The following SORCS2 variants were observed in gnomAD, a reference collection of about 807,000 sequenced individuals.
SORCS2 encodes the protein VPS10 domain-containing receptor SorCS2.
SORCS2 carries 100 observed loss-of-function variants against 141.6 expected under a neutral mutation model. The ratio of observed to expected loss-of-function variants is 0.71; its 90% confidence interval spans 0.60 to 0.83. The LOEUF is 0.83. Among genes scored for constraint, SORCS2 ranks in the 40% least tolerant of loss-of-function variants. SORCS2 has a pLI of 0.00. For synonymous variants in SORCS2, 789 were observed against 676.9 expected, an observed-to-expected ratio of 1.17 and a Z score of -2.57; for missense variants, 1,646 against 1,560.2, an observed-to-expected ratio of 1.05 and a Z score of -0.93.
In SORCS2 at chr4:7,728,456, C is replaced by A. The variant is rs1426469560; in HGVS notation, c.2976C>A (p.Leu992=). Residue 992 remains leucine (L), a synonymous_variant, in exon 22 of 27, where the codon CTC becomes CTA. Coordinates refer to ENST00000507866, the MANE Select transcript of SORCS2 (RefSeq NM_020777.3). ...TGGGCCTGGTGGTCACCCGGCTGCTCTCCAAGGTGTCCACCCAGAGCCTAG... is the reference window on the plus strand; with the variant it reads ...TGGGCCTGGTGGTCACCCGGCTGCTATCCAAGGTGTCCACCCAGAGCCTAG... ...EDVGLVVTRL[L]SKETSVPQEL... 1.2e-6 allele frequency: 2 copies of A among 1,610,742 alleles called. No individual in the cohort carries two copies. Among genetic ancestry groups the A allele is most frequent in the Non-Finnish European group, 1.7e-6 (2 of 1,178,594 alleles).
At chr4:7,282,518 A>G (rs912867394) in intron 1 of SORCS2, among the ~76,000 whole-genome samples, 1 of 152,120 alleles carries the variant, frequency 6.6e-6, no homozygotes, top group Admixed American at 6.5e-5. Context: ...CTTAATGAGG[A>G]TGTAGCTGTA....
chr4:7,398,060 G>C lies in SORCS2; in HGVS notation c.548+1705G>C, dbSNP rs573422882. ...TGTGGAGGCAATGAGACTGTGTGAAGTGTCTTCTGAACAGGGAACGATCTT... is the reference window on the plus strand; with the variant it reads ...TGTGGAGGCAATGAGACTGTGTGAACTGTCTTCTGAACAGGGAACGATCTT... On this transcript the variant is annotated intron_variant, in intron 2 of 26. Transcript: ENST00000507866. Among the ~76,000 whole-genome samples the C allele has an allele frequency of 7.9e-5, 12 of 152,306 alleles. No individual in the cohort carries two copies. In the East Asian group the frequency reaches 2.3e-3, roughly 29 times the overall value.
intron 1 of SORCS2, among the ~76,000 whole-genome samples, chr4:7,348,915 G>A (rs1178841735): frequency 6.6e-6 from 1 of 152,194 alleles, no homozygotes; most frequent in African/African-American, 2.4e-5. Flanking sequence ...GACCCATCAT[G>A]TGAGCGGCCT....
Position 7,286,692 on chromosome 4 carries a change from T to C in SORCS2, c.480+93566T>C, listed in dbSNP as rs551064461. ...AGCTGGGACTCGACTCTGGGCCTCC[T>C]GCCTTCTGGCCTGGCACTTTTTCCA... On this transcript the variant is annotated intron_variant, in intron 1 of 26. Transcript: ENST00000507866. This position sits in a 1 kb window ranked among gnomAD's most constrained non-coding sequence, Gnocchi z 4.1. 3.3e-4 allele frequency among the ~76,000 whole-genome samples: 50 copies of C among 152,344 alleles called. No homozygotes were observed. Among genetic ancestry groups the C allele is most frequent in the African/African-American group, 1.2e-3 (50 of 41,582 alleles).
At chr4:7,387,843 C>CAGAGACACGTACAG in intron 1 of SORCS2, among the ~76,000 whole-genome samples, 2 of 48,470 alleles carry the variant, frequency 4.1e-5, no homozygotes, top group East Asian at 1.3e-3. Flanking sequence ...CATACATACA[C>CAGAGACACGTACAG]ATGCACACAC....
chr4:7,712,640 T>C (rs1725898975), intron 14 of SORCS2, 93 bp from the exon 15 acceptor site: 2 of 1,549,096 alleles, frequency 1.3e-6, no homozygotes, highest in Non-Finnish European at 1.8e-6. Context: ...ATGGTACAGG[T>C]AGGAACAGAG....
intron 2 of SORCS2, among the ~76,000 whole-genome samples, chr4:7,497,771 T>C (rs1731718225): frequency 6.6e-6 from 1 of 152,256 alleles, no homozygotes; most frequent in South Asian, 2.1e-4. Context: ...TTGCCCAAGG[T>C]GACTCCCTTG....
chr4:7,539,068 C>A (rs1712358804), intron 3 of SORCS2, among the ~76,000 whole-genome samples: 3 of 152,172 alleles, frequency 2.0e-5, no homozygotes, highest in African/African-American at 4.8e-5. Context: ...AGTTGTTTCC[C>A]CCAGGCCCCA....
At chr4:7,658,545 C>T (rs145489262) in intron 5 of SORCS2, among the ~76,000 whole-genome samples, 59 of 152,346 alleles carry the variant, frequency 3.9e-4, no homozygotes, top group African/African-American at 1.3e-3. Context: ...AAGCCGAAAT[C>T]AACACTCCAC....
intron 8 of SORCS2, among the ~76,000 whole-genome samples, chr4:7,671,511 T>C (rs796311386): frequency 3.0e-4 from 45 of 150,632 alleles, no homozygotes; most frequent in African/African-American, 1.1e-3. Flanking sequence ...AATAAAGAGA[T>C]AGAAAAAATA....
Position 7,254,328 on chromosome 4 carries a change from C to T in SORCS2, c.480+61202C>T, listed in dbSNP as rs143121865. On this transcript the variant is annotated intron_variant, in intron 1 of 26. Transcript: ENST00000507866. ...TGTGGTCTAGACACACCATGGAATA[C>T]TATTCTGCCATAAAAAAGTATGAAA... Among the ~76,000 whole-genome samples, 222 of 152,320 alleles carry T rather than the reference C, an allele frequency of 1.5e-3. 1 individual carries two copies. The highest frequency in any genetic ancestry group is 4.6e-3 in the African/African-American group (193 of 41,574).
Position 7,654,090 on chromosome 4 carries a change from C to T in SORCS2, c.814-44C>T. 3.3e-6 allele frequency: 5 copies of T among 1,521,376 alleles called. No individual in the cohort carries two copies. The African/African-American group carries it at 4.1e-5, about 13-fold the overall frequency. The allele number at this position is 1,521,376 out of a possible 1,614,324, so 94.2% of individuals were successfully genotyped here. On this transcript the variant is annotated intron_variant, in intron 4 of 26. Transcript: ENST00000507866. The stretch of plus-strand genomic sequence containing the variant: ...ACCCTCTCTCAGAAGCAGCTTATTC[C>T]TGACGTCCTGACCAAGCTTTTGTTT...
chr4:7,564,623 G>C (rs147425477), intron 3 of SORCS2, among the ~76,000 whole-genome samples: 55 of 152,322 alleles, frequency 3.6e-4, no homozygotes, highest in African/African-American at 1.3e-3. Flanking sequence ...AGCTATGGGA[G>C]CGATGAGGAG....
At chr4:7,494,406 T>A (rs1302857278) in intron 2 of SORCS2, among the ~76,000 whole-genome samples, 2 of 152,202 alleles carry the variant, frequency 1.3e-5, no homozygotes, top group African/African-American at 2.4e-5. Context: ...ACAACAGCCA[T>A]TTGTTTCTTA....
chr4:7,314,191 G>A (rs927757907), intron 1 of SORCS2, among the ~76,000 whole-genome samples: 3 of 152,192 alleles, frequency 2.0e-5, no homozygotes, highest in Non-Finnish European at 4.4e-5. Flanking sequence ...GGGGTCGGAG[G>A]AGAGGCTGGG....
At chr4:7,693,418 C>T (rs1724385055) in intron 11 of SORCS2, among the ~76,000 whole-genome samples, 1 of 152,226 alleles carries the variant, frequency 6.6e-6, no homozygotes, top group Non-Finnish European at 1.5e-5. Context: ...CGGGTTCCTG[C>T]TCCAGCTCTT....
At chr4:7,579,446 C>T (rs1490380275) in intron 3 of SORCS2, among the ~76,000 whole-genome samples, 1 of 152,112 alleles carries the variant, frequency 6.6e-6, no homozygotes, top group East Asian at 1.9e-4. Flanking sequence ...TATAGCTGAG[C>T]AAACTGAGGC....
At chr4:7,382,836 C>A (rs1723071295) in intron 1 of SORCS2, among the ~76,000 whole-genome samples, 1 of 152,150 alleles carries the variant, frequency 6.6e-6, no homozygotes, top group Non-Finnish European at 1.5e-5. Context: ...GGGGCCCACG[C>A]CTCCTGCTGG....
chr4:7,232,469 G>A (rs901383990), intron 1 of SORCS2, among the ~76,000 whole-genome samples: 5 of 152,160 alleles, frequency 3.3e-5, no homozygotes, highest in African/African-American at 4.8e-5. Flanking sequence ...CACCCCCCAC[G>A]GCAGCCCAGG....
Sources: gnomAD v4.1 joint callset for allele counts (sites outside exome capture counted in the v4.1 genomes callset) on GRCh38, gnomAD v4.1.1 for gene constraint, Gnocchi (gnomAD v3.1) non-coding constraint, MANE v1.5 for transcripts, NCBI Gene and HGNC (gene_info 2026-07-23, HGNC 2026-07-21) for gene names.